The following ELAVL2 variants were observed in gnomAD, a reference collection of about 807,000 sequenced individuals.
The protein encoded by ELAVL2 is ELAV like RNA binding protein 2.
A neutral mutation model predicts 34.6 loss-of-function variants in ELAVL2; 4 were observed. The observed-to-expected ratio is 0.12, with a 90% CI of 0.06 to 0.26. The LOEUF is 0.26. Ranked by LOEUF, ELAVL2 falls within the 10% of genes least tolerant of loss-of-function variation. ELAVL2 has a pLI of 1.00. For missense variants in ELAVL2, 432 were observed against 442.8 expected, an observed-to-expected ratio of 0.98 and a Z score of 0.22; for synonymous variants, 193 against 154.8, an observed-to-expected ratio of 1.25 and a Z score of -1.83.
intron 3 of ELAVL2, among the ~76,000 whole-genome samples, chr9:23,716,171 TG>T (rs2042257223): frequency 2.7e-5 from 1 of 37,078 alleles, no homozygotes; most frequent in South Asian, 9.3e-4. Flanking sequence ...GTTGTCGGGT[TG>T]GGGGAGGGGG....
chr9:23,789,450 T>C (rs75162393), intron 1 of ELAVL2, among the ~76,000 whole-genome samples: 155 of 152,338 alleles, frequency 1.0e-3, no homozygotes, highest in East Asian at 3.9e-3. Flanking sequence ...TCTTGAGGCA[T>C]AGTATTGAGG....
At chr9:23,841,896 A>C in the ELAVL2 span, among the ~76,000 whole-genome samples, 2 of 152,178 alleles carry the variant, frequency 1.3e-5, no homozygotes, top group African/African-American at 2.4e-5. Context: ...TGTCAGGAAC[A>C]TATTTCCTTT....
In ELAVL2 at chr9:23,771,434, TATATAG is replaced by T. The variant is rs1347772746; in HGVS notation, c.-15-9191_-15-9186del. On this transcript the variant is annotated intron_variant, in intron 1 of 6. Coordinates refer to ENST00000397312, the MANE Select transcript of ELAVL2 (RefSeq NM_004432.5). ...AAATAAGGATATATATATAAATCTA[TATATAG>T]ATATATATAGGAAACCCAACATACA... Among the ~76,000 whole-genome samples the T allele has an allele frequency of 2.6e-5, 4 of 152,008 alleles. No homozygotes were observed. The East Asian group carries it at 7.7e-4, about 29-fold the overall frequency.
chr9:23,778,217 AAAG>A (rs1482706993), intron 1 of ELAVL2, among the ~76,000 whole-genome samples: 5 of 152,222 alleles, frequency 3.3e-5, no homozygotes, highest in African/African-American at 9.6e-5. Context: ...GCGAGGTTGA[AAAG>A]AAGGACAAAG....
At chr9:23,750,470 T>C (rs961835766) in intron 2 of ELAVL2, among the ~76,000 whole-genome samples, 3 of 152,124 alleles carry the variant, frequency 2.0e-5, no homozygotes, top group African/African-American at 2.4e-5. Context: ...TGGTATAACA[T>C]TGTTAGATTT....
intron 1 of ELAVL2, among the ~76,000 whole-genome samples, chr9:23,764,471 A>C (rs561974431): frequency 6.6e-6 from 1 of 152,296 alleles, no homozygotes; most frequent in East Asian, 1.9e-4. Context: ...TCTGCTCAGA[A>C]TAAAATGATA....
chr9:23,774,236 AAAG>A (rs1564401896), intron 1 of ELAVL2, among the ~76,000 whole-genome samples: 1 of 118,076 alleles, frequency 8.5e-6, no homozygotes. Context: ...AAAAAAAAAA[AAAG>A]AAAGAAAGAA....
chr9:23,698,900 T>C (rs1038978553), intron 5 of ELAVL2, among the ~76,000 whole-genome samples: 5 of 152,182 alleles, frequency 3.3e-5, no homozygotes, highest in African/African-American at 9.6e-5. Context: ...CACTAACTCG[T>C]TCATATTTTA....
At chr9:23,714,120 C>T (rs1357148767) in intron 3 of ELAVL2, among the ~76,000 whole-genome samples, 1 of 152,190 alleles carries the variant, frequency 6.6e-6, no homozygotes, top group South Asian at 2.1e-4. Context: ...TAGCTCCTAA[C>T]ACTTATTGTT....
intron 5 of ELAVL2, among the ~76,000 whole-genome samples, chr9:23,694,886 G>C (rs534696460): frequency 1.3e-5 from 2 of 152,244 alleles, no homozygotes; most frequent in East Asian, 3.9e-4. Flanking sequence ...GTGTGTGTGT[G>C]CGTGCCTTGA....
At chr9:23,731,774 G>T (rs2046621745) in intron 2 of ELAVL2, among the ~76,000 whole-genome samples, 1 of 152,064 alleles carries the variant, frequency 6.6e-6, no homozygotes, top group African/African-American at 2.4e-5. Flanking sequence ...TGACATCGAA[G>T]ACAATGAGAA....
At chr9:23,765,753 T>C (rs185753285) in intron 1 of ELAVL2, among the ~76,000 whole-genome samples, 163 of 152,284 alleles carry the variant, frequency 1.1e-3, no homozygotes, top group Middle Eastern at 0.01. Flanking sequence ...ATTGAAATAA[T>C]TGGACCGATA....
intron 1 of ELAVL2, chr9:23,783,374 G>C: frequency 3.3e-6 from 3 of 918,864 alleles, no homozygotes; most frequent in Non-Finnish European, 3.9e-6. Flanking sequence ...GTAACTCCAA[G>C]GAAAACCGAA....
intron 1 of ELAVL2, among the ~76,000 whole-genome samples, chr9:23,792,728 C>T (rs1302328136): frequency 2.0e-5 from 3 of 152,128 alleles, no homozygotes; most frequent in Non-Finnish European, 4.4e-5. Flanking sequence ...CATAACCATC[C>T]TCTGAATCTG....
intron 5 of ELAVL2, 136 bp downstream of exon 5, chr9:23,701,243 T>C: frequency 1.1e-6 from 1 of 919,052 alleles, no homozygotes; most frequent in Middle Eastern, 2.5e-4. Flanking sequence ...CCCATGGAGA[T>C]GAAAAATTAA....
At chr9:23,843,433 A>T in the ELAVL2 span, among the ~76,000 whole-genome samples, 1 of 152,096 alleles carries the variant, frequency 6.6e-6, no homozygotes, top group Non-Finnish European at 1.5e-5. Context: ...TTACAGTAAA[A>T]CTACACACAT....
At chr9:23,803,060 AG>A (rs1265458399) in intron 1 of ELAVL2, among the ~76,000 whole-genome samples, 2 of 152,146 alleles carry the variant, frequency 1.3e-5, no homozygotes, top group Non-Finnish European at 2.9e-5. Flanking sequence ...CTGCTACATA[AG>A]CATGCCTTTA....
chr9:23,783,917 G>A (rs767566722), intron 1 of ELAVL2, among the ~76,000 whole-genome samples: 13 of 150,808 alleles, frequency 8.6e-5, no homozygotes, highest in African/African-American at 2.4e-4. Context: ...GGCACAGGCC[G>A]GGCGCGGTGG....
intron 1 of ELAVL2, among the ~76,000 whole-genome samples, chr9:23,810,372 G>T (rs1339461033): frequency 6.6e-6 from 1 of 151,948 alleles, no homozygotes; most frequent in East Asian, 1.9e-4. Flanking sequence ...CATACTGCTA[G>T]GAGTGCTACA....
Sources: gnomAD v4.1 joint callset for allele counts (sites outside exome capture counted in the v4.1 genomes callset) on GRCh38, gnomAD v4.1.1 for gene constraint, MANE v1.5 for transcripts, NCBI Gene and HGNC (gene_info 2026-07-23, HGNC 2026-07-21) for gene names.